The following SGCZ variants were observed in gnomAD, a reference collection of about 807,000 sequenced individuals.
SGCZ encodes the protein zeta-sarcoglycan.
A neutral mutation model predicts 41.3 loss-of-function variants in SGCZ; 40 were observed. The observed-to-expected ratio is 0.97, with a 90% CI of 0.75 to 1.26. The LOEUF is 1.26. SGCZ is among the 50% of genes most tolerant of loss of function. The probability of loss-of-function intolerance (pLI) is 0.00; values close to 1 mark genes in which losing one functional copy is unlikely to be tolerated. For synonymous variants in SGCZ, 206 were observed against 137.5 expected, an observed-to-expected ratio of 1.50 and a Z score of -3.49; for missense variants, 552 against 369.8, an observed-to-expected ratio of 1.49 and a Z score of -4.04.
At chr8:14,605,151 G>A (rs73194110) in intron 1 of SGCZ, among the ~76,000 whole-genome samples, 23,897 of 151,922 alleles carry the variant, frequency 0.16, 2,289 homozygotes, top group Non-Finnish European at 0.21. Flanking sequence ...TACTTGCCTC[G>A]AAAAATGACT....
At chr8:14,170,516 T>G (rs543370180) in intron 4 of SGCZ, among the ~76,000 whole-genome samples, 1 of 152,272 alleles carries the variant, frequency 6.6e-6, no homozygotes, top group East Asian at 1.9e-4. Context: ...CTGGCCTCTA[T>G]GAATTTTAAG....
intron 1 of SGCZ, among the ~76,000 whole-genome samples, chr8:14,688,013 A>G (rs1368918059): frequency 2.0e-5 from 3 of 152,098 alleles, no homozygotes; most frequent in Admixed American, 6.6e-5. Flanking sequence ...GTGTCTGTTC[A>G]TGTCCTTCGC....
intron 4 of SGCZ, among the ~76,000 whole-genome samples, chr8:14,207,327 A>C (rs769364196): frequency 6.6e-6 from 1 of 152,198 alleles, no homozygotes; most frequent in Non-Finnish European, 1.5e-5. Context: ...GTAAATGGTC[A>C]GTTCTTTAGT....
intron 2 of SGCZ, among the ~76,000 whole-genome samples, chr8:14,370,755 G>A (rs1018328646): frequency 5.9e-5 from 9 of 151,658 alleles, no homozygotes; most frequent in African/African-American, 2.2e-4. Context: ...TAGCTCAAAG[G>A]TTAGCATATA....
intron 1 of SGCZ, among the ~76,000 whole-genome samples, chr8:15,222,157 A>G (rs1801626029): frequency 6.6e-6 from 1 of 152,228 alleles, no homozygotes; most frequent in African/African-American, 2.4e-5. Context: ...AAGTTATATT[A>G]TCAAAGCATT....
intron 1 of SGCZ, among the ~76,000 whole-genome samples, chr8:14,776,041 T>C (rs920928059): frequency 2.0e-5 from 3 of 152,144 alleles, no homozygotes; most frequent in Non-Finnish European, 2.9e-5. Context: ...GAAATGAGTA[T>C]AGAAACAAAA....
intron 1 of SGCZ, among the ~76,000 whole-genome samples, chr8:14,809,454 T>G (rs1263677992): frequency 6.6e-6 from 1 of 152,130 alleles, no homozygotes; most frequent in African/African-American, 2.4e-5. Context: ...CAAAGTGTCC[T>G]GAAGACAAAT....
At chr8:14,162,331 C>T (rs541546665) in intron 5 of SGCZ, among the ~76,000 whole-genome samples, 2 of 152,140 alleles carry the variant, frequency 1.3e-5, no homozygotes, top group African/African-American at 4.8e-5. Context: ...TGTGTAATGT[C>T]CTAGAATTTA....
At chr8:14,843,572 A>T (rs1343588681) in intron 1 of SGCZ, among the ~76,000 whole-genome samples, 1 of 152,174 alleles carries the variant, frequency 6.6e-6, no homozygotes, top group African/African-American at 2.4e-5. Flanking sequence ...CAATTATTTT[A>T]TTTACAATAA....
intron 1 of SGCZ, among the ~76,000 whole-genome samples, chr8:14,714,481 G>T (rs900123444): frequency 2.6e-5 from 4 of 151,984 alleles, no homozygotes; most frequent in Non-Finnish European, 5.9e-5. Context: ...AAAGCTATAT[G>T]GAATATTTTT....
intron 4 of SGCZ, among the ~76,000 whole-genome samples, chr8:14,216,557 T>A (rs1036441066): frequency 6.6e-6 from 1 of 152,148 alleles, no homozygotes; most frequent in Admixed American, 6.5e-5. Flanking sequence ...ATCAAAAGAA[T>A]CTTGCTCCAT....
intron 1 of SGCZ, among the ~76,000 whole-genome samples, chr8:14,743,866 G>A (rs1379679209): frequency 6.6e-6 from 1 of 152,100 alleles, no homozygotes; most frequent in East Asian, 1.9e-4. Flanking sequence ...TAATGACACA[G>A]TGAAATTCAA....
chr8:14,455,424 C>A (rs1183777539), intron 2 of SGCZ, among the ~76,000 whole-genome samples: 1 of 149,676 alleles, frequency 6.7e-6, no homozygotes, highest in Non-Finnish European at 1.5e-5. Flanking sequence ...TGATCATCAG[C>A]CTCAAAGTGT....
At chr8:14,092,949 A>G (rs896309468) in intron 7 of SGCZ, among the ~76,000 whole-genome samples, 5 of 152,046 alleles carry the variant, frequency 3.3e-5, no homozygotes, top group African/African-American at 1.2e-4. Context: ...ACTTTGCTAA[A>G]TCTTCTAACT....
chr8:14,948,692 G>C (rs974264334), intron 1 of SGCZ, among the ~76,000 whole-genome samples: 1 of 152,034 alleles, frequency 6.6e-6, no homozygotes. Flanking sequence ...AATACCTCAA[G>C]CCTAATGTTA....
At chr8:14,661,900 G>A (rs923934846) in intron 1 of SGCZ, among the ~76,000 whole-genome samples, 8 of 151,426 alleles carry the variant, frequency 5.3e-5, no homozygotes, top group East Asian at 3.9e-4. Flanking sequence ...GAGACAATGG[G>A]GTATCTTGAT....
intron 1 of SGCZ, among the ~76,000 whole-genome samples, chr8:14,645,618 G>A (rs61622942): frequency 0.19 from 28,301 of 150,240 alleles, 3,124 homozygotes; most frequent in East Asian, 0.58. Context: ...GATTGAAAAT[G>A]ATCTTTTCCT....
At chr8:14,708,281 C>T (rs1298409154) in intron 1 of SGCZ, among the ~76,000 whole-genome samples, 3 of 151,752 alleles carry the variant, frequency 2.0e-5, no homozygotes, top group Non-Finnish European at 1.5e-5. Flanking sequence ...TGCAGTTGTG[C>T]CTTTTTCATA....
At chr8:14,759,480 CAACTT>C (rs1479364511) in intron 1 of SGCZ, among the ~76,000 whole-genome samples, 1 of 152,050 alleles carries the variant, frequency 6.6e-6, no homozygotes, top group Non-Finnish European at 1.5e-5. Flanking sequence ...TTTGGAAAGA[CAACTT>C]ATTCCAGAAA....
Sources: gnomAD v4.1 joint callset for allele counts (sites outside exome capture counted in the v4.1 genomes callset) on GRCh38, gnomAD v4.1.1 for gene constraint, MANE v1.5 for transcripts, NCBI Gene and HGNC (gene_info 2026-07-23, HGNC 2026-07-21) for gene names.